The following MCTP1 variants were observed in gnomAD, a reference collection of about 807,000 sequenced individuals.
The protein encoded by MCTP1 is multiple C2 and transmembrane domain-containing protein 1.
A neutral mutation model predicts 120.6 loss-of-function variants in MCTP1; 69 were observed. That is an observed-to-expected ratio of 0.57 (90% CI 0.47 to 0.70). MCTP1 has a LOEUF of 0.70. Among genes scored for constraint, MCTP1 ranks in the 30% least tolerant of loss-of-function variants. MCTP1 has a pLI of 0.00. For missense variants in MCTP1, 1,203 were observed against 1,248.8 expected (o/e 0.96, Z 0.55); for synonymous variants, 529 against 493.1 (o/e 1.07, Z -0.96).
chr5:94,773,061 CTA>C (rs1277987812), intron 19 of MCTP1, among the ~76,000 whole-genome samples: 1 of 152,130 alleles, frequency 6.6e-6, no homozygotes, highest in Admixed American at 6.6e-5. Context: ...AGTGAGTGGG[CTA>C]TCAGTTCAAT....
intron 19 of MCTP1, among the ~76,000 whole-genome samples, chr5:94,753,907 G>C (rs1280166534): frequency 6.6e-6 from 1 of 152,168 alleles, no homozygotes; most frequent in Non-Finnish European, 1.5e-5. Context: ...GAGAAAAGCA[G>C]TATCTGAGGA....
At chr5:94,884,210 T>C (rs1197472264) in intron 12 of MCTP1, among the ~76,000 whole-genome samples, 1 of 152,236 alleles carries the variant, frequency 6.6e-6, no homozygotes, top group Non-Finnish European at 1.5e-5. Context: ...AAAATTCATT[T>C]CATGCATATC....
chr5:95,099,110 C>CA (rs1756507296), intron 1 of MCTP1, among the ~76,000 whole-genome samples: 1 of 151,606 alleles, frequency 6.6e-6, no homozygotes, highest in Non-Finnish European at 1.5e-5. Context: ...ACACCTTATA[C>CA]AAAAATCAAT....
chr5:94,762,717 G>T (rs1771633284), intron 19 of MCTP1, among the ~76,000 whole-genome samples: 1 of 152,190 alleles, frequency 6.6e-6, no homozygotes, highest in African/African-American at 2.4e-5. Flanking sequence ...TAGAGGATTT[G>T]TTTTCTGATC....
At chr5:95,205,799 TC>T (rs1751556303) in intron 1 of MCTP1, among the ~76,000 whole-genome samples, 2 of 152,120 alleles carry the variant, frequency 1.3e-5, no homozygotes, top group Non-Finnish European at 2.9e-5. Flanking sequence ...AACATCATTA[TC>T]CATTAGGGAA....
At chr5:94,847,303 T>C (rs1038662352) in intron 17 of MCTP1, among the ~76,000 whole-genome samples, 10 of 152,160 alleles carry the variant, frequency 6.6e-5, no homozygotes, top group Admixed American at 3.3e-4. Context: ...GCAACAATTA[T>C]TCGTTTCTCA....
chr5:95,162,642 A>C (rs934667894), intron 1 of MCTP1, among the ~76,000 whole-genome samples: 1 of 152,210 alleles, frequency 6.6e-6, no homozygotes, highest in Non-Finnish European at 1.5e-5. Context: ...CCATGATCCA[A>C]TGTGAAACTG....
Position 94,754,627 on chromosome 5 carries a change from A to G in MCTP1, c.2610+24483T>C, listed in dbSNP as rs145667298. On this transcript the variant is annotated intron_variant, in intron 19 of 22. Coordinates refer to ENST00000515393, the MANE Select transcript of MCTP1 (RefSeq NM_024717.7). ...GGATCAAAATTCAGCTTTCTTTACT[A>G]AACAGTCCGATCAGTCTTTTCAGAA... 1.2e-3 allele frequency among the ~76,000 whole-genome samples: 185 copies of G among 152,298 alleles called. 1 individual carries two copies. The highest frequency in any genetic ancestry group is 4.1e-3 in the African/African-American group (172 of 41,572).
intron 17 of MCTP1, among the ~76,000 whole-genome samples, chr5:94,862,590 T>C (rs1796014300): frequency 6.6e-6 from 1 of 151,844 alleles, no homozygotes; most frequent in African/African-American, 2.4e-5. Context: ...TCTGGCTTGC[T>C]ATATTTCCTA....
chr5:95,093,893 T>G (rs1363910771), intron 1 of MCTP1, among the ~76,000 whole-genome samples: 2 of 152,200 alleles, frequency 1.3e-5, no homozygotes, highest in African/African-American at 2.4e-5. Context: ...AGAATCCAGC[T>G]GCCATACCAC....
At chr5:95,033,190 A>AT (rs1233080973) in intron 1 of MCTP1, among the ~76,000 whole-genome samples, 1 of 152,152 alleles carries the variant, frequency 6.6e-6, no homozygotes, top group East Asian at 1.9e-4. Context: ...ATTCCATAAA[A>AT]TTGAGTAGGA....
intron 19 of MCTP1, among the ~76,000 whole-genome samples, chr5:94,765,707 A>T (rs1772470716): frequency 7.5e-6 from 1 of 132,706 alleles, no homozygotes. Flanking sequence ...ATCTCAAAAA[A>T]GAAAAAAAAA....
At chr5:94,873,263 T>C (rs1287523133) in intron 12 of MCTP1, 22 bp from the exon 13 acceptor site, 3 of 1,418,012 alleles carry the variant, frequency 2.1e-6, no homozygotes, top group Non-Finnish European at 3.0e-6. Context: ...TTTTGGTAAA[T>C]ATTTTTAGTG....
intron 1 of MCTP1, among the ~76,000 whole-genome samples, chr5:95,061,405 A>C (rs1465657985): frequency 1.2e-5 from 1 of 80,378 alleles, no homozygotes; most frequent in Non-Finnish European, 2.8e-5. Context: ...AAACCCCTTA[A>C]GGGTTTTTTT....
At chr5:94,977,560 T>G (rs981620493) in intron 2 of MCTP1, among the ~76,000 whole-genome samples, 3 of 152,066 alleles carry the variant, frequency 2.0e-5, no homozygotes, top group Admixed American at 2.0e-4. Context: ...TCATACTTCC[T>G]GATTCAAAAT....
At chr5:94,803,532 T>A (rs1781624784) in intron 17 of MCTP1, among the ~76,000 whole-genome samples, 1 of 152,224 alleles carries the variant, frequency 6.6e-6, no homozygotes, top group Non-Finnish European at 1.5e-5. Context: ...TACTATTTAC[T>A]TGGCAGATTT....
chr5:95,250,188 T>C (rs1053871578), intron 1 of MCTP1, among the ~76,000 whole-genome samples: 2 of 152,042 alleles, frequency 1.3e-5, no homozygotes, highest in African/African-American at 4.8e-5. Flanking sequence ...ATAATGAAGA[T>C]AAGCAAAGGG....
At chr5:94,716,147 G>A (rs1038617343) in intron 19 of MCTP1, among the ~76,000 whole-genome samples, 1 of 152,156 alleles carries the variant, frequency 6.6e-6, no homozygotes, top group African/African-American at 2.4e-5. Flanking sequence ...GTTTTATAAC[G>A]ATCTTTGTTA....
chr5:95,284,395 G>GGGGTGGCGGGGA lies in MCTP1; in HGVS notation c.169_180dup (p.Ser57_Pro60dup). The GGGGTGGCGGGGA allele has an allele frequency of 2.5e-6, 4 of 1,591,542 alleles. No individual in the cohort carries two copies. Among genetic ancestry groups the GGGGTGGCGGGGA allele is most frequent in the Non-Finnish European group, 3.4e-6 (4 of 1,177,288 alleles). On this transcript the variant is annotated inframe_insertion, in exon 1 of 23. Coordinates refer to ENST00000515393, the MANE Select transcript of MCTP1 (RefSeq NM_024717.7). The surrounding 1 kb of genome is among the most constrained non-coding windows in gnomAD (Gnocchi z 5.2). The stretch of plus-strand genomic sequence containing the variant: ...GCCGGTGCATTCCCTGTGCCCACCG[G>GGGGTGGCGGGGA]GGGTGGCGGGGAGGGCGACGGGGTG...
Sources: gnomAD v4.1 joint callset for allele counts (sites outside exome capture counted in the v4.1 genomes callset) on GRCh38, gnomAD v4.1.1 for gene constraint, Gnocchi (gnomAD v3.1) non-coding constraint, MANE v1.5 for transcripts, NCBI Gene and HGNC (gene_info 2026-07-23, HGNC 2026-07-21) for gene names.